The following SLC30A3 variants were observed in gnomAD, a reference collection of about 807,000 sequenced individuals.
The protein encoded by SLC30A3 is probable proton-coupled zinc antiporter SLC30A3.
A neutral mutation model predicts 35.6 loss-of-function variants in SLC30A3; 20 were observed. The ratio of observed to expected loss-of-function variants is 0.56; its 90% CI spans 0.39 to 0.82. SLC30A3 has a LOEUF of 0.82. SLC30A3 is among the 40% of genes least tolerant of loss of function. The pLI is 0.00. For missense variants in SLC30A3, 401 were observed against 530.6 expected, an observed-to-expected ratio of 0.76 and a Z score of 2.40; for synonymous variants, 217 against 224.7, an observed-to-expected ratio of 0.97 and a Z score of 0.31.
chr2:27,255,098 A>T lies in SLC30A3; in HGVS notation c.*214T>A. The T allele has an allele frequency of 6.6e-7, 1 of 1,517,322 alleles. No homozygotes were observed. The highest frequency in any genetic ancestry group is 8.8e-7 in the Non-Finnish European group (1 of 1,136,232). The allele number at this position is 1,517,322 out of a possible 1,614,324, so 94.0% of individuals were successfully genotyped here. ...CCCCGCCCCTGAACTAGTCACATCT[A>T]TTCCCCTGACTCCCACCCCACTCCC... On this transcript the variant is annotated 3_prime_UTR_variant, in exon 8 of 8. Transcript: ENST00000233535. This position sits in a 1 kb window ranked among gnomAD's most constrained non-coding sequence, Gnocchi z 5.2.
Position 27,257,111 on chromosome 2 carries a change from G to T in SLC30A3, c.777+43C>A. Reference sequence around the variant, plus strand: ...CCTGGGAAGGAGTGGGCTGGGATGTGGTTGTGGGGAGGAAGGCTGGGGCAG... The same window carrying T: ...CCTGGGAAGGAGTGGGCTGGGATGTTGTTGTGGGGAGGAAGGCTGGGGCAG... On this transcript the variant is annotated intron_variant, in intron 5 of 7. Coordinates refer to ENST00000233535, the MANE Select transcript of SLC30A3 (RefSeq NM_003459.5). This position sits in a 1 kb window ranked among gnomAD's most constrained non-coding sequence, Gnocchi z 4.7. 6.3e-7 allele frequency: 1 copy of T among 1,582,788 alleles called. No individual in the cohort carries two copies. The highest frequency in any genetic ancestry group is 8.7e-7 in the Non-Finnish European group (1 of 1,151,854).
exon 1 of SLC30A3, chr2:27,275,181 C>T (rs1412101512): frequency 7.7e-7 from 1 of 1,303,994 alleles, no homozygotes; most frequent in African/African-American, 1.5e-5. Flanking sequence ...CCATACCTCT[C>T]ATCCGCCACG....
chr2:27,275,415 G>A (rs1464950323), upstream of SLC30A3: 11 of 372,830 alleles, frequency 3.0e-5, no homozygotes, highest in African/African-American at 4.3e-5. Context: ...TGCTTCCGGG[G>A]GCGCCAAAAA....
Position 27,258,192 on chromosome 2 carries a change from G to T in SLC30A3, c.393C>A (p.Thr131=), listed in dbSNP as rs770062062. ...FSLWLSTRPA[T]RTMTFGWHRS... ...GGTGCCAGCCAAAGGTCATGGTGCG[G>T]GTGGCTGGACGGGTGGAGAGCCAGA... is the stretch of plus-strand genomic sequence containing the variant. The change falls in exon 3 of 8, where the codon ACC becomes ACA. Residue 131 remains threonine (T), a synonymous_variant. Coordinates refer to ENST00000233535, the MANE Select transcript of SLC30A3 (RefSeq NM_003459.5). This position sits in a 1 kb window ranked among gnomAD's most constrained non-coding sequence, Gnocchi z 4.0. 3.1e-6 allele frequency: 5 copies of T among 1,598,354 alleles called. No homozygotes were observed. The highest frequency in any genetic ancestry group is 4.3e-6 in the Non-Finnish European group (5 of 1,170,828).
upstream of SLC30A3, among the ~76,000 whole-genome samples, chr2:27,267,800 TG>T (rs1239867730): frequency 6.6e-6 from 1 of 151,792 alleles, no homozygotes; most frequent in African/African-American, 2.4e-5. Flanking sequence ...CCAGGCGTGG[TG>T]ACATGTGCCT....
chr2:27,270,455 G>T (rs1403120532), intron 1 of SLC30A3, among the ~76,000 whole-genome samples: 2 of 152,004 alleles, frequency 1.3e-5, no homozygotes, highest in Non-Finnish European at 1.5e-5. Flanking sequence ...ATAACAATTT[G>T]CAAATCTTAG....
chr2:27,262,172 C>G lies in SLC30A3; in HGVS notation c.95+640G>C, dbSNP rs576032073. On this transcript the variant is annotated intron_variant, in intron 1 of 7. Coordinates refer to ENST00000233535, the MANE Select transcript of SLC30A3 (RefSeq NM_003459.5). The surrounding 1 kb of genome is among the most constrained non-coding windows in gnomAD (Gnocchi z 7.5). ...CCCCGGCCCGCTGTCCCGGCCGCTC[C>G]GCGCGCCTCATTTCACACCTCGCCG... is the stretch of plus-strand genomic sequence containing the variant. 6.6e-6 allele frequency: 1 copy of G among 151,994 alleles called. No individual in the cohort carries two copies. 9.4% of individuals were successfully genotyped at this position (151,994 alleles called of 1,614,324 possible).
chr2:27,261,292 G>A (rs1677170684), intron 1 of SLC30A3, among the ~76,000 whole-genome samples: 2 of 152,214 alleles, frequency 1.3e-5, no homozygotes, highest in African/African-American at 4.8e-5. Context: ...ATGGGAGGAA[G>A]AGAGGAGAAG....
upstream of SLC30A3, among the ~76,000 whole-genome samples, chr2:27,266,064 T>G (rs963973413): frequency 6.6e-6 from 1 of 151,262 alleles, no homozygotes; most frequent in South Asian, 2.1e-4. Flanking sequence ...TTTGTTCTTT[T>G]TTTTTTTTTT....
Position 27,258,161 on chromosome 2 carries a change from C to T in SLC30A3, c.424G>A (p.Glu142Lys). The T allele has an allele frequency of 6.3e-7, 1 of 1,595,470 alleles. No individual in the cohort carries two copies. The highest frequency in any genetic ancestry group is 8.6e-7 in the Non-Finnish European group (1 of 1,168,172). The stretch of plus-strand genomic sequence containing the variant: ...TCACTGGGCCATGCAGGGGCCTTAC[C>T]TGAACGGTGCCAGCCAAAGGTCATG... ...RTMTFGWHRS[E>K]TLGALASVVS... is the part of the protein sequence containing the mutation. The change falls in exon 3 of 8, where the codon GAG (glutamate) becomes AAG (lysine). Residue 142 changes from glutamate to lysine, a missense_variant and splice_region_variant. Coordinates refer to ENST00000233535, the MANE Select transcript of SLC30A3 (RefSeq NM_003459.5). The surrounding 1 kb of genome is among the most constrained non-coding windows in gnomAD (Gnocchi z 4.0).
upstream of SLC30A3, chr2:27,264,026 G>A (rs78170515): frequency 2.7e-3 from 3,498 of 1,288,244 alleles, 98 homozygotes; most frequent in African/African-American, 0.048. The surrounding 1 kb of genome is among the most constrained non-coding windows in gnomAD (Gnocchi z 6.1). Context: ...GTCGGTGGCC[G>A]AGCCTCAAGT....
chr2:27,263,032 G>A lies in SLC30A3; in HGVS notation c.-126C>T, dbSNP rs1677306018. 7.2e-7 allele frequency: 1 copy of A among 1,379,670 alleles called. No homozygotes were observed. Among genetic ancestry groups the A allele is most frequent in the South Asian group, 1.6e-5 (1 of 61,948 alleles). The allele number at this position is 1,379,670 out of a possible 1,614,324, so 85.5% of individuals were successfully genotyped here. On this transcript the variant is annotated 5_prime_UTR_variant, in exon 1 of 8. Transcript: ENST00000233535. ...AGGGCGGCGGGGCCACCAGAGTGGA[G>A]CGAACTGCAGCGACTGTGGCGCGCG...
At chr2:27,266,800 G>A (rs1677515135), upstream of SLC30A3, among the ~76,000 whole-genome samples, 1 of 152,188 alleles carries the variant, frequency 6.6e-6, no homozygotes, top group Non-Finnish European at 1.5e-5. Context: ...GTGAGGCTGA[G>A]GCAGGAGAAT....
upstream of SLC30A3, among the ~76,000 whole-genome samples, chr2:27,264,762 T>G (rs1677421062): frequency 1.3e-5 from 2 of 152,164 alleles, no homozygotes; most frequent in Non-Finnish European, 2.9e-5. The surrounding 1 kb of genome is among the most constrained non-coding windows in gnomAD (Gnocchi z 6.1). Context: ...CTGTTTCTCC[T>G]CGGGTCACAG....
chr2:27,262,994 C>T lies in SLC30A3; in HGVS notation c.-88G>A. ...CCAAGTCCGAGCAGCCCGCCGACCC[C>T]CGGGATCCCCGCAGGGCGGCGGGGC... is the stretch of plus-strand genomic sequence containing the variant. On this transcript the variant is annotated 5_prime_UTR_variant, in exon 1 of 8. Transcript: ENST00000233535. This position sits in a 1 kb window ranked among gnomAD's most constrained non-coding sequence, Gnocchi z 7.5. 7.0e-7 allele frequency: 1 copy of T among 1,420,802 alleles called. No individual in the cohort carries two copies. The allele number at this position is 1,420,802 out of a possible 1,614,324, so 88.0% of individuals were successfully genotyped here.
At position 27,257,389 on chromosome 2, in the gene SLC30A3, G is replaced by A; in HGVS notation, c.579-37C>T. ...GCAGAGCACCTCAGCCTAGGGCCCT[G>A]CTCCTGGCCTCCTATACCCCCATCT... On this transcript the variant is annotated intron_variant, in intron 4 of 7. Coordinates refer to ENST00000233535, the MANE Select transcript of SLC30A3 (RefSeq NM_003459.5). This position sits in a 1 kb window ranked among gnomAD's most constrained non-coding sequence, Gnocchi z 4.7. 1 of 1,563,636 alleles carries A rather than the reference G, an allele frequency of 6.4e-7. No homozygotes were observed. The highest frequency in any genetic ancestry group is 8.7e-7 in the Non-Finnish European group (1 of 1,151,732).
exon 1 of SLC30A3, chr2:27,275,253 T>G: frequency 7.7e-7 from 1 of 1,301,178 alleles, no homozygotes; most frequent in Non-Finnish European, 1.0e-6. Context: ...GGTGCCCTCC[T>G]GCTGGGGAAG....
Position 27,262,083 on chromosome 2 carries a change from G to A in SLC30A3, c.95+729C>T, listed in dbSNP as rs1677216277. On this transcript the variant is annotated intron_variant, in intron 1 of 7. Transcript: ENST00000233535. This position sits in a 1 kb window ranked among gnomAD's most constrained non-coding sequence, Gnocchi z 7.5. Reference sequence around the variant, plus strand: ...AGGGAGGTCGGACGGCCGCTCAGAGGGGCAGGTGGACGGTGGCGGCAGGCG... The same window carrying A: ...AGGGAGGTCGGACGGCCGCTCAGAGAGGCAGGTGGACGGTGGCGGCAGGCG... The A allele has an allele frequency of 6.6e-6, 1 of 152,448 alleles. No homozygotes were observed. The highest frequency in any genetic ancestry group is 2.4e-5 in the African/African-American group (1 of 41,586). 9.4% of individuals were successfully genotyped at this position (152,448 alleles called of 1,614,324 possible).
chr2:27,256,479 G>A lies in SLC30A3; in HGVS notation c.925C>T (p.Leu309=), dbSNP rs1676859282. ...NVGFEPVRDT[L]LSVPGVRATH... ...GCCCGGACTCCTGGCACCGACAACA[G>A]CGTATCCCGCACAGGTTCGAACCCC... The change falls in exon 7 of 8, where the codon CTG becomes TTG. Residue 309 remains leucine, a synonymous_variant. Transcript: ENST00000233535. 6.2e-7 allele frequency: 1 copy of A among 1,614,056 alleles called. No individual in the cohort carries two copies. Among genetic ancestry groups the A allele is most frequent in the Non-Finnish European group, 8.5e-7 (1 of 1,180,018 alleles).
Sources: allele counts gnomAD v4.1 joint callset (sites outside exome capture counted in the v4.1 genomes callset), GRCh38; gene constraint gnomAD v4.1.1; non-coding constraint Gnocchi (gnomAD v3.1); transcripts MANE v1.5; gene names NCBI Gene and HGNC (gene_info 2026-07-23, HGNC 2026-07-21).